Variants in CATSPERD observed in about 807,000 individuals in gnomAD.
CATSPERD encodes the protein catsper channel auxiliary subunit delta, also known as cation channel sperm-associated auxiliary subunit delta.
A neutral mutation model predicts 98.1 loss-of-function variants in CATSPERD; 86 were observed. That is an observed-to-expected ratio of 0.88 (90% CI 0.74 to 1.05). The LOEUF is 1.05. Among genes scored for constraint, CATSPERD ranks in the 50% least tolerant of loss-of-function variants. The probability of loss-of-function intolerance (pLI) is 0.00; values close to 1 mark genes in which losing one functional copy is unlikely to be tolerated. For missense variants in CATSPERD, 995 were observed against 1,005.7 expected (o/e 0.99, Z 0.14); for synonymous variants, 394 against 390.2 (o/e 1.01, Z -0.12).
chr19:5,727,503 A>C (rs962071448), intron 3 of CATSPERD, among the ~76,000 whole-genome samples, 159 bp downstream of exon 3: 4 of 152,152 alleles, frequency 2.6e-5, no homozygotes, highest in African/African-American at 9.7e-5. Flanking sequence ...AATTGGAGGA[A>C]GGGAAATGAA....
At chr19:5,734,745 T>G (rs1459019960) in intron 5 of CATSPERD, among the ~76,000 whole-genome samples, 1 of 150,278 alleles carries the variant, frequency 6.7e-6, no homozygotes, top group Non-Finnish European at 1.5e-5. Context: ...GAGGTTGCAG[T>G]GAGCTGAGAT....
intron 1 of CATSPERD, among the ~76,000 whole-genome samples, chr19:5,724,570 G>A (rs1420510496): frequency 3.9e-5 from 6 of 152,096 alleles, no homozygotes; most frequent in Admixed American, 3.3e-4. Context: ...GTTGTGGCGC[G>A]CGCCTGTAAT....
intron 7 of CATSPERD, among the ~76,000 whole-genome samples, chr19:5,743,965 C>T (rs191883879): frequency 6.6e-6 from 1 of 152,154 alleles, no homozygotes; most frequent in African/African-American, 2.4e-5. Flanking sequence ...AAGTTTTTGC[C>T]CCAAGTGTCA....
intron 3 of CATSPERD, 113 bp downstream of exon 3, chr19:5,727,457 T>C (rs1399607200): frequency 1.3e-6 from 1 of 798,938 alleles, no homozygotes; most frequent in Non-Finnish European, 2.1e-6. Flanking sequence ...GTGTTGCTAG[T>C]TGCTGGCCTG....
chr19:5,736,202 G>A lies in CATSPERD; in HGVS notation c.392-936G>A, dbSNP rs866656124. ...GCTAGGATTACAGGTGTGAACCACC[G>A]AGTCGGGCCAACTGGGGGCAGTTCT... On this transcript the variant is annotated intron_variant, in intron 5 of 21. Coordinates refer to ENST00000381624, the MANE Select transcript of CATSPERD (RefSeq NM_152784.4). Among the ~76,000 whole-genome samples, 14 of 151,900 alleles carry A rather than the reference G, an allele frequency of 9.2e-5. No individual in the cohort carries two copies. In the East Asian group the frequency reaches 1.2e-3, roughly 13 times the overall value.
intron 7 of CATSPERD, among the ~76,000 whole-genome samples, chr19:5,743,323 C>T (rs914978211): frequency 2.0e-5 from 3 of 150,182 alleles, no homozygotes; most frequent in Admixed American, 1.3e-4. Flanking sequence ...CAAGGCCAGG[C>T]ACTGTGGCTG....
At chr19:5,741,797 G>T (rs1323208626) in intron 7 of CATSPERD, among the ~76,000 whole-genome samples, 1 of 90,144 alleles carries the variant, frequency 1.1e-5, no homozygotes, top group Admixed American at 1.1e-4. Flanking sequence ...GGGGGGGGGG[G>T]GTGGTGTGGA....
At position 5,739,373 on chromosome 19, in the gene CATSPERD, C is replaced by T; in HGVS notation, c.507C>T (p.Ser169=). The part of the protein sequence containing the change: ...VFAYFRGDQI[S]QTYIYYSNTG... ...CATATTTCCGTGGAGATCAGATATC[C>T]CAGACTTATATATATTATTCAAATA... The change falls in exon 7 of 22, where the codon TCC becomes TCT. Residue 169 remains serine, a synonymous_variant. Transcript: ENST00000381624. The T allele has an allele frequency of 3.1e-6, 5 of 1,588,144 alleles. No individual in the cohort carries two copies. The highest frequency in any genetic ancestry group is 3.4e-6 in the Non-Finnish European group (4 of 1,170,024).
chr19:5,760,939 C>CA (rs531768263), intron 15 of CATSPERD, among the ~76,000 whole-genome samples: 92 of 134,266 alleles, frequency 6.9e-4, no homozygotes, highest in Middle Eastern at 3.8e-3. Context: ...ACCCCCATCT[C>CA]AAAAAAAAAA....
Position 5,763,847 on chromosome 19 carries a change from C to CTTTTTTTTTTTTTTTT in CATSPERD, c.1506+557_1506+572dup. ...TGTTGGCCAGGCTGGTCTTGAACTC[C>CTTTTTTTTTTTTTTTT]TTTTTTTTTTTTTTTTTTGACATGG... On this transcript the variant is annotated intron_variant, in intron 16 of 21. Coordinates refer to ENST00000381624, the MANE Select transcript of CATSPERD (RefSeq NM_152784.4). Among the ~76,000 whole-genome samples the CTTTTTTTTTTTTTTTT allele has an allele frequency of 5.0e-4, 31 of 62,132 alleles. 2 individuals are homozygous for CTTTTTTTTTTTTTTTT. The highest frequency in any genetic ancestry group is 7.0e-4 in the Non-Finnish European group (22 of 31,376). The allele number at this position is 62,132 out of a possible 152,430, so 40.8% of individuals were successfully genotyped here.
At chr19:5,734,426 G>A (rs1382603570) in intron 5 of CATSPERD, among the ~76,000 whole-genome samples, 1 of 152,142 alleles carries the variant, frequency 6.6e-6, no homozygotes, top group African/African-American at 2.4e-5. Flanking sequence ...ATCATCTGAG[G>A]TCAGGAGTTC....
intron 17 of CATSPERD, 143 bp from the exon 18 acceptor site, chr19:5,768,025 T>C: frequency 1.9e-6 from 1 of 537,338 alleles, no homozygotes; most frequent in Non-Finnish European, 3.4e-6. Flanking sequence ...CTCCAACTCC[T>C]GACCTCAGGT....
intron 5 of CATSPERD, among the ~76,000 whole-genome samples, chr19:5,734,507 G>A (rs2055803358): frequency 1.3e-5 from 2 of 152,150 alleles, no homozygotes; most frequent in South Asian, 2.1e-4. Flanking sequence ...GCGTGGTGGT[G>A]CATGCCTGTA....
intron 10 of CATSPERD, 68 bp from the exon 11 acceptor site, chr19:5,749,033 C>T: frequency 7.2e-7 from 1 of 1,394,672 alleles, no homozygotes; most frequent in Non-Finnish European, 1.0e-6. Context: ...CCCAACCACA[C>T]TTATGTTTTT....
At chr19:5,734,855 CG>C (rs1484765307) in intron 5 of CATSPERD, among the ~76,000 whole-genome samples, 2 of 151,600 alleles carry the variant, frequency 1.3e-5, no homozygotes, top group African/African-American at 2.4e-5. Context: ...GACTGGTGTC[CG>C]GGGAGGACCA....
intron 8 of CATSPERD, among the ~76,000 whole-genome samples, chr19:5,745,143 A>G (rs761686033): frequency 2.6e-5 from 4 of 151,558 alleles, no homozygotes; most frequent in Non-Finnish European, 5.9e-5. Context: ...GGGTTTCACC[A>G]TATTGGCCAG....
chr19:5,723,203 A>G (rs1382583494), intron 1 of CATSPERD, among the ~76,000 whole-genome samples: 5 of 150,794 alleles, frequency 3.3e-5, no homozygotes, highest in Non-Finnish European at 7.4e-5. Context: ...AAAAAAAAGA[A>G]AAAGAAAAAG....
intron 11 of CATSPERD, among the ~76,000 whole-genome samples, chr19:5,750,200 G>A (rs2056178622): frequency 6.7e-6 from 1 of 149,708 alleles, no homozygotes; most frequent in Admixed American, 6.6e-5. Flanking sequence ...TGTAATCCCA[G>A]CACCTTGGGT....
chr19:5,747,485 T>C (rs2056116632), intron 9 of CATSPERD, among the ~76,000 whole-genome samples: 1 of 152,012 alleles, frequency 6.6e-6, no homozygotes, highest in Admixed American at 6.6e-5. Flanking sequence ...TTCCTTATAG[T>C]GGTCACCTGT....
Sources: allele counts gnomAD v4.1 joint callset (sites outside exome capture counted in the v4.1 genomes callset), GRCh38; gene constraint gnomAD v4.1.1; transcripts MANE v1.5; gene names NCBI Gene and HGNC (gene_info 2026-07-23, HGNC 2026-07-21).